Variants in RNF38 observed in about 807,000 individuals in gnomAD.
The protein encoded by RNF38 is E3 ubiquitin-protein ligase RNF38.
RNF38 carries 15 observed loss-of-function variants against 67.2 expected under a neutral mutation model. That is an observed-to-expected ratio of 0.22 (90% CI 0.15 to 0.34). The LOEUF is 0.34. RNF38 is among the 10% of genes least tolerant of loss of function. The pLI, the probability that RNF38 is intolerant of heterozygous loss-of-function variation, is 1.00. For synonymous variants in RNF38, 220 were observed against 218.8 expected (o/e 1.01, Z -0.05); for missense variants, 524 against 639.9 (o/e 0.82, Z 1.95).
upstream of RNF38, among the ~76,000 whole-genome samples, chr9:36,405,579 T>C (rs1838158002): frequency 6.6e-6 from 1 of 152,254 alleles, no homozygotes; most frequent in Non-Finnish European, 1.5e-5. Context: ...GCTTGCTTTC[T>C]ATTCTCTAGA....
In RNF38 at chr9:36,412,680, C is replaced by G. The variant is rs550239706; in HGVS notation, n.312+11933G>C. ...ACTGGCTGGGTGCAGTGGCTCACGC[C>G]TGTAATCCCAGCACTTTGGGATGCC... On this transcript the variant is annotated intron_variant and non_coding_transcript_variant, in intron 2 of 3. Coordinates refer to the RNF38 transcript ENST00000488058. Among the ~76,000 whole-genome samples, 9 of 152,370 alleles carry G rather than the reference C, an allele frequency of 5.9e-5. No individual in the cohort carries two copies. In the East Asian group the frequency reaches 1.7e-3, roughly 29 times the overall value.
At chr9:36,345,212 AAAATCTAAACAC>A (rs2133377890) in intron 9 of RNF38, among the ~76,000 whole-genome samples, 1 of 152,314 alleles carries the variant, frequency 6.6e-6, no homozygotes, top group South Asian at 2.1e-4. Flanking sequence ...TTCTTATGAA[AAAATCTAAACAC>A]ATACAAAAGG....
intron 3 of RNF38, among the ~76,000 whole-genome samples, chr9:36,371,988 T>C (rs1200711209): frequency 6.6e-6 from 1 of 151,074 alleles, no homozygotes; most frequent in Non-Finnish European, 1.5e-5. Flanking sequence ...TGGAGTGCAG[T>C]GGCCCGATCT....
upstream of RNF38, among the ~76,000 whole-genome samples, chr9:36,403,346 C>A (rs543049948): frequency 6.6e-6 from 1 of 152,218 alleles, no homozygotes; most frequent in Non-Finnish European, 1.5e-5. Context: ...TCTGCCCCAT[C>A]GAAAAGGCTG....
chr9:36,437,555 GAA>G (rs891584843), intron 1 of RNF38, among the ~76,000 whole-genome samples: 3 of 136,338 alleles, frequency 2.2e-5, no homozygotes, highest in Admixed American at 7.7e-5. Flanking sequence ...GAGCAAGGTT[GAA>G]AAAAAAAAAA....
rs1350371826 is a variant in RNF38, at chr9:36,420,666, A to G, written n.312+3947T>C. Among the ~76,000 whole-genome samples the G allele has an allele frequency of 3.3e-5, 5 of 152,176 alleles. No homozygotes were observed. The East Asian group carries it at 7.7e-4, about 23-fold the overall frequency. On this transcript the variant is annotated intron_variant and non_coding_transcript_variant, in intron 2 of 3. Transcript: ENST00000488058. ...TGCCTTTCCCCACTCACAGAAAGCA[A>G]GCTGCATAAGAGCAAAGACTTCTGT... is the stretch of plus-strand genomic sequence containing the variant.
intron 1 of RNF38, among the ~76,000 whole-genome samples, chr9:36,398,410 C>T (rs1440514578): frequency 2.0e-5 from 3 of 152,024 alleles, no homozygotes; most frequent in Non-Finnish European, 2.9e-5. Flanking sequence ...TCTGGAAAAA[C>T]TAAAATTAAA....
intron 4 of RNF38, among the ~76,000 whole-genome samples, chr9:36,362,496 GAACACTCATGT>G (rs1834630430): frequency 6.8e-6 from 1 of 147,812 alleles, no homozygotes; most frequent in Admixed American, 6.7e-5. Flanking sequence ...ATCATCAGAT[GAACACTCATGT>G]AACCATCACG....
At chr9:36,479,160 T>A (rs1010340548) in intron 1 of RNF38, among the ~76,000 whole-genome samples, 1 of 152,184 alleles carries the variant, frequency 6.6e-6, no homozygotes, top group African/African-American at 2.4e-5. Context: ...GCCTGACTTC[T>A]CCCTACCAAC....
At chr9:36,474,082 G>A (rs960807027) in intron 1 of RNF38, among the ~76,000 whole-genome samples, 4 of 151,864 alleles carry the variant, frequency 2.6e-5, no homozygotes, top group Non-Finnish European at 4.4e-5. Context: ...GGGAGGCCAA[G>A]GCGGGCGGAT....
At chr9:36,414,052 G>A (rs568212080) in intron 2 of RNF38, among the ~76,000 whole-genome samples, 11 of 152,194 alleles carry the variant, frequency 7.2e-5, no homozygotes, top group South Asian at 4.1e-4. Context: ...TAGCGACTCC[G>A]GATAGCGACT....
At chr9:36,362,826 G>GT in intron 4 of RNF38, among the ~76,000 whole-genome samples, 1 of 151,780 alleles carries the variant, frequency 6.6e-6, no homozygotes, top group East Asian at 1.9e-4. Flanking sequence ...TACAGATGGG[G>GT]TTTCACCATG....
At chr9:36,460,178 T>C (rs1336136476) in intron 1 of RNF38, among the ~76,000 whole-genome samples, 1 of 152,188 alleles carries the variant, frequency 6.6e-6, no homozygotes, top group Non-Finnish European at 1.5e-5. Context: ...ACTAAGAATG[T>C]TGCCTACAAG....
chr9:36,357,680 C>A, intron 5 of RNF38, 95 bp downstream of exon 5: 1 of 924,682 alleles, frequency 1.1e-6, no homozygotes, highest in East Asian at 2.5e-5. Context: ...GCAGTTAGCC[C>A]CTCTAAAGAG....
intron 1 of RNF38, among the ~76,000 whole-genome samples, chr9:36,487,051 C>A (rs146816414): frequency 1.3e-5 from 2 of 152,308 alleles, no homozygotes; most frequent in East Asian, 3.9e-4. Context: ...TTTCCTCCTC[C>A]GCCGAGCAGA....
intron 1 of RNF38, among the ~76,000 whole-genome samples, chr9:36,473,806 G>A (rs1160786961): frequency 6.6e-6 from 1 of 150,700 alleles, no homozygotes; most frequent in Non-Finnish European, 1.5e-5. Context: ...CCAAGATGGT[G>A]AAACCCCGTC....
At chr9:36,400,899 T>A, upstream of RNF38, 222 of 823,072 alleles carry the variant, frequency 2.7e-4, no homozygotes, top group Middle Eastern at 1.3e-3. Context: ...GCCACGCCCC[T>A]CCCCGCCCCG....
intron 9 of RNF38, among the ~76,000 whole-genome samples, chr9:36,345,488 T>A (rs1833162411): frequency 6.6e-6 from 1 of 152,204 alleles, no homozygotes; most frequent in South Asian, 2.1e-4. Flanking sequence ...CTGGCCTCCC[T>A]CTACTCTCAG....
intron 1 of RNF38, among the ~76,000 whole-genome samples, chr9:36,397,950 ACT>A (rs1375772464): frequency 6.6e-5 from 10 of 151,928 alleles, no homozygotes; most frequent in Non-Finnish European, 1.0e-4. Context: ...AATTTTATAC[ACT>A]CTCTCCCTCT....
Sources: gnomAD v4.1 joint callset for allele counts (sites outside exome capture counted in the v4.1 genomes callset) on GRCh38, gnomAD v4.1.1 for gene constraint, MANE v1.5 for transcripts, NCBI Gene and HGNC (gene_info 2026-07-23, HGNC 2026-07-21) for gene names.